The following COX7B2 variants were observed in gnomAD, a reference collection of about 807,000 sequenced individuals.
COX7B2 encodes cytochrome c oxidase subunit 7B2.
For synonymous variants in COX7B2, 37 were observed against 32.1 expected (o/e 1.15, Z -0.51); for missense variants, 109 against 95.9 (o/e 1.14, Z -0.57).
chr4:46,884,279 C>A (rs929898866), intron 1 of COX7B2, among the ~76,000 whole-genome samples: 1 of 152,144 alleles, frequency 6.6e-6, no homozygotes, highest in Admixed American at 6.5e-5. Context: ...CAGCCTGGAA[C>A]TCCTAGGCTC....
chr4:46,886,503 C>T (rs1257583952), intron 1 of COX7B2, among the ~76,000 whole-genome samples: 1 of 152,082 alleles, frequency 6.6e-6, no homozygotes, highest in Non-Finnish European at 1.5e-5. Flanking sequence ...TCCTTCTATC[C>T]AGCGTATTTT....
chr4:46,736,922 T>G (rs1475168793), intron 2 of COX7B2, among the ~76,000 whole-genome samples: 3 of 152,198 alleles, frequency 2.0e-5, no homozygotes, highest in African/African-American at 7.2e-5. Context: ...GCTATAAACA[T>G]CTGTGGGTAG....
At chr4:46,797,861 C>A (rs1476555791) in intron 2 of COX7B2, among the ~76,000 whole-genome samples, 2 of 152,164 alleles carry the variant, frequency 1.3e-5, no homozygotes, top group Non-Finnish European at 2.9e-5. Context: ...AGCCGTTGAT[C>A]TGATAAATGC....
At chr4:46,906,828 T>G (rs913226816) in intron 1 of COX7B2, among the ~76,000 whole-genome samples, 1 of 152,196 alleles carries the variant, frequency 6.6e-6, no homozygotes, top group Admixed American at 6.5e-5. Context: ...AAGCCTGAAT[T>G]TATCTTCTTG....
At chr4:46,788,331 T>TA (rs557119404) in intron 2 of COX7B2, among the ~76,000 whole-genome samples, 96 of 152,196 alleles carry the variant, frequency 6.3e-4, no homozygotes, top group African/African-American at 2.1e-3. Context: ...TGATAGACAA[T>TA]AAAAAATCAT....
At chr4:46,826,354 A>G (rs1714693372) in intron 2 of COX7B2, among the ~76,000 whole-genome samples, 1 of 152,162 alleles carries the variant, frequency 6.6e-6, no homozygotes, top group Non-Finnish European at 1.5e-5. Context: ...GCTATTAATA[A>G]AAGTTCAGAA....
chr4:46,884,871 T>C (rs1479270530), intron 1 of COX7B2, among the ~76,000 whole-genome samples: 1 of 152,012 alleles, frequency 6.6e-6, no homozygotes, highest in African/African-American at 2.4e-5. Flanking sequence ...AACAATCTAT[T>C]TGATCTGTTT....
intron 1 of COX7B2, among the ~76,000 whole-genome samples, chr4:46,898,650 C>T (rs1719910738): frequency 6.6e-6 from 1 of 152,046 alleles, no homozygotes; most frequent in Admixed American, 6.6e-5. Context: ...TTCTCAAACT[C>T]CTGGGCCCAA....
intron 1 of COX7B2, among the ~76,000 whole-genome samples, chr4:46,897,063 T>C (rs1313751432): frequency 1.3e-5 from 2 of 152,188 alleles, no homozygotes; most frequent in Admixed American, 1.3e-4. Context: ...AGTATACCCA[T>C]TAAAATGACA....
intron 2 of COX7B2, among the ~76,000 whole-genome samples, chr4:46,817,481 G>A (rs1156813996): frequency 6.6e-6 from 1 of 152,072 alleles, no homozygotes; most frequent in African/African-American, 2.4e-5. Flanking sequence ...TCAAATATAA[G>A]CTGAATATTC....
intron 2 of COX7B2, among the ~76,000 whole-genome samples, chr4:46,766,630 G>A (rs1359537258): frequency 1.3e-5 from 2 of 151,646 alleles, no homozygotes; most frequent in African/African-American, 4.8e-5. Flanking sequence ...TGACCCAGGA[G>A]GCAGAGGTTG....
intron 2 of COX7B2, among the ~76,000 whole-genome samples, chr4:46,827,718 G>A (rs1329166203): frequency 6.6e-6 from 1 of 152,086 alleles, no homozygotes; most frequent in East Asian, 1.9e-4. Flanking sequence ...GGAATGAAGA[G>A]CACCAGAAAT....
Position 46,786,334 on chromosome 4 carries a change from T to G in COX7B2, c.-49-51093A>C, listed in dbSNP as rs147533479. Among the ~76,000 whole-genome samples the G allele has an allele frequency of 3.7e-3, 558 of 152,344 alleles. 4 individuals are homozygous for G. The highest frequency in any genetic ancestry group is 0.013 in the African/African-American group (532 of 41,582). ...ACAGACTTGTACATGTGAAACATAC[T>G]TTATCTGACCACTCTTCCATTGTTG... is the stretch of plus-strand genomic sequence containing the variant. On this transcript the variant is annotated intron_variant, in intron 2 of 2. Transcript: ENST00000355591.
intron 1 of COX7B2, among the ~76,000 whole-genome samples, chr4:46,881,008 A>T (rs990397899): frequency 2.0e-5 from 3 of 151,518 alleles, no homozygotes; most frequent in African/African-American, 7.3e-5. Context: ...AAAAAAAAAA[A>T]AAACTCTTGG....
chr4:46,799,993 G>C (rs1007649295), intron 2 of COX7B2, among the ~76,000 whole-genome samples: 2 of 151,944 alleles, frequency 1.3e-5, no homozygotes, highest in Non-Finnish European at 1.5e-5. Context: ...TTTTTTGGCT[G>C]GTAAGTTTTT....
chr4:46,737,197 C>T (rs940896164), intron 2 of COX7B2, among the ~76,000 whole-genome samples: 2 of 152,068 alleles, frequency 1.3e-5, no homozygotes, highest in African/African-American at 4.8e-5. Flanking sequence ...ATATAATGTC[C>T]AGCATCTTTT....
rs1021333293 is a variant in COX7B2 at position 46,894,425 on chromosome 4, C to G, written c.-105+14735G>C. On this transcript the variant is annotated intron_variant, in intron 1 of 2. Coordinates refer to ENST00000355591, the MANE Select transcript of COX7B2 (RefSeq NM_130902.3). ...TATTCAATAAACGGTGCTGGAATAA[C>G]AGGTTACCTATATGCAGAAGATTGA... 5.9e-5 allele frequency among the ~76,000 whole-genome samples: 9 copies of G among 152,220 alleles called. No homozygotes were observed. The South Asian group carries it at 1.9e-3, about 32-fold the overall frequency.
intron 2 of COX7B2, among the ~76,000 whole-genome samples, chr4:46,828,423 G>C (rs957034205): frequency 5.3e-5 from 8 of 152,164 alleles, no homozygotes; most frequent in African/African-American, 1.9e-4. Context: ...CCAAATGTTA[G>C]AAAGTATAAT....
intron 1 of COX7B2, among the ~76,000 whole-genome samples, chr4:46,867,724 T>G (rs1717754332): frequency 6.6e-6 from 1 of 152,196 alleles, no homozygotes; most frequent in Non-Finnish European, 1.5e-5. Flanking sequence ...CAGGGAAGCC[T>G]ACTTCATCAT....
Sources: gnomAD v4.1 joint callset for allele counts (sites outside exome capture counted in the v4.1 genomes callset) on GRCh38, gnomAD v4.1.1 for gene constraint, MANE v1.5 for transcripts, NCBI Gene and HGNC (gene_info 2026-07-23, HGNC 2026-07-21) for gene names.